The following C9orf57 variants were observed in gnomAD, a reference collection of about 807,000 sequenced individuals.
The protein encoded by C9orf57 is chromosome 9 open reading frame 57.
C9orf57 carries 12 observed loss-of-function variants against 12.9 expected under a neutral mutation model. The observed-to-expected ratio is 0.93, with a 90% CI of 0.60 to 1.51. C9orf57 has a LOEUF of 1.51. Among genes scored for constraint, C9orf57 ranks in the 40% most tolerant of loss-of-function variants. C9orf57 has a pLI of 0.00. For synonymous variants in C9orf57, 49 were observed against 57.1 expected, an observed-to-expected ratio of 0.86 and a Z score of 0.64; for missense variants, 141 against 162.8, an observed-to-expected ratio of 0.87 and a Z score of 0.73.
chr9:72,059,347 G>T lies in C9orf57; in HGVS notation c.-16C>A. ...TCCTTCTCATTCTGATTTCCAAGCC[G>T]AAAAGGAGATGAAAGGAAAGACACG... On this transcript the variant is annotated 5_prime_UTR_variant, in exon 2 of 5. Transcript: ENST00000651200. 6.4e-7 allele frequency: 1 copy of T among 1,551,618 alleles called. No individual in the cohort carries two copies. Among genetic ancestry groups the T allele is most frequent in the Non-Finnish European group, 8.7e-7 (1 of 1,147,008 alleles).
intron 4 of C9orf57, among the ~76,000 whole-genome samples, chr9:72,055,427 T>TCCTTCCTG (rs1222210817): frequency 1.6e-5 from 2 of 125,730 alleles, no homozygotes; most frequent in African/African-American, 6.2e-5. Flanking sequence ...CTTCCTTCCT[T>TCCTTCCTG]CCTTCCTTCC....
At chr9:72,058,540 T>C (rs987296393) in intron 2 of C9orf57, among the ~76,000 whole-genome samples, 2 of 152,202 alleles carry the variant, frequency 1.3e-5, no homozygotes, top group Non-Finnish European at 2.9e-5. Context: ...CAGCTCAGAT[T>C]GTTAAAAGAT....
At chr9:72,052,464 T>C (rs1211383777) in intron 4 of C9orf57, 29 bp from the exon 5 acceptor site, 1 of 1,547,748 alleles carries the variant, frequency 6.5e-7, no homozygotes, top group Admixed American at 2.0e-5. Flanking sequence ...GTAAGGAAAT[T>C]TCTTGGGAGG....
At chr9:72,060,458 A>G in intron 1 of C9orf57, 39 bp downstream of exon 1, 1 of 1,008,598 alleles carries the variant, frequency 9.9e-7, no homozygotes, top group South Asian at 1.4e-5. Context: ...AAATTGTAAG[A>G]TTGGGTAAAG....
intron 4 of C9orf57, among the ~76,000 whole-genome samples, 189 bp downstream of exon 4, chr9:72,055,885 C>T (rs1028404639): frequency 3.3e-5 from 5 of 152,038 alleles, no homozygotes; most frequent in African/African-American, 1.2e-4. Flanking sequence ...CTTAATCGTT[C>T]GTGTCTCAGC....
chr9:72,056,707 G>T, intron 3 of C9orf57, 77 bp downstream of exon 3: 2 of 1,428,954 alleles, frequency 1.4e-6, no homozygotes, highest in African/African-American at 1.4e-5. Flanking sequence ...TGTAGCATCT[G>T]GCATATGAAA....
Position 72,060,517 on chromosome 9 carries a change from C to T in C9orf57, c.-74G>A. The T allele has an allele frequency of 6.6e-7, 1 of 1,524,754 alleles. No homozygotes were observed. Among genetic ancestry groups the T allele is most frequent in the Non-Finnish European group, 8.9e-7 (1 of 1,122,932 alleles). The allele number at this position is 1,524,754 out of a possible 1,614,324, so 94.5% of individuals were successfully genotyped here. A position where few individuals can be genotyped will look rare whatever the true frequency, so the allele number is the denominator to read the frequency against. The stretch of plus-strand genomic sequence containing the variant: ...CCTACCTATCTTTTTCATTAAGGTA[C>T]TATGGAAATTTTCCTGGGTCTGAAC... On this transcript the variant is annotated 5_prime_UTR_variant, in exon 1 of 5. Coordinates refer to ENST00000651200, the MANE Select transcript of C9orf57 (RefSeq NM_001128618.2).
intron 4 of C9orf57, among the ~76,000 whole-genome samples, chr9:72,055,086 C>T (rs529095876): frequency 1.2e-4 from 18 of 148,058 alleles, no homozygotes; most frequent in South Asian, 2.2e-4. Context: ...CCACCATGCG[C>T]GACTAATTTT....
chr9:72,059,337 T>C lies in C9orf57; in HGVS notation c.-6A>G. The C allele has an allele frequency of 1.3e-6, 2 of 1,551,698 alleles. No individual in the cohort carries two copies. Among genetic ancestry groups the C allele is most frequent in the African/African-American group, 1.4e-5 (1 of 73,058 alleles). On this transcript the variant is annotated 5_prime_UTR_variant, in exon 2 of 5. Transcript: ENST00000651200. ...GCAAAAACAATCCTTCTCATTCTGATTTCCAAGCCGAAAAGGAGATGAAAG... is the reference window on the plus strand; with the variant it reads ...GCAAAAACAATCCTTCTCATTCTGACTTCCAAGCCGAAAAGGAGATGAAAG...
In C9orf57 at chr9:72,056,861, A is replaced by G; in HGVS notation, c.98-18T>C. 1.3e-6 allele frequency: 2 copies of G among 1,546,960 alleles called. No individual in the cohort carries two copies. The highest frequency in any genetic ancestry group is 1.7e-6 in the Non-Finnish European group (2 of 1,142,962). ...TCCCAGGTCTAAAAGACATCCATGG[A>G]AGGGGATTGAAAGATTGCATGCTCT... On this transcript the variant is annotated intron_variant, in intron 2 of 4. Transcript: ENST00000651200.
At chr9:72,052,492 C>T (rs892678970) in intron 4 of C9orf57, 57 bp from the exon 5 acceptor site, 1 of 1,499,972 alleles carries the variant, frequency 6.7e-7, no homozygotes, top group Non-Finnish European at 9.0e-7. Flanking sequence ...TATGTGGCCT[C>T]AGATGCTAAT....
Position 72,056,701 on chromosome 9 carries a change from G to T in C9orf57, c.157+83C>A, listed in dbSNP as rs1214035930. On this transcript the variant is annotated intron_variant, in intron 3 of 4. Coordinates refer to ENST00000651200, the MANE Select transcript of C9orf57 (RefSeq NM_001128618.2). ...TAGCCCTGGCAAAGCCCTTAGTGTA[G>T]CATCTGGCATATGAAAGTTTGTTGT... 3.6e-6 allele frequency: 5 copies of T among 1,392,888 alleles called. No individual in the cohort carries two copies. The East Asian group carries it at 1.3e-4, about 35-fold the overall frequency. 86.3% of individuals were successfully genotyped at this position (1,392,888 alleles called of 1,614,324 possible).
chr9:72,055,858 T>C (rs1490454601), intron 4 of C9orf57, among the ~76,000 whole-genome samples: 1 of 152,162 alleles, frequency 6.6e-6, no homozygotes, highest in African/African-American at 2.4e-5. Flanking sequence ...TCATTAGCTA[T>C]GTGACTGTGC....
Position 72,052,932 on chromosome 9 carries a change from C to T in C9orf57, c.281-497G>A, listed in dbSNP as rs547908407. ...CACTGTAGAAAACACAAAAAATGCA[C>T]ACAAGAACAAAATAAGTGACAGTAA... On this transcript the variant is annotated intron_variant, in intron 4 of 4. Coordinates refer to ENST00000651200, the MANE Select transcript of C9orf57 (RefSeq NM_001128618.2). Among the ~76,000 whole-genome samples the T allele has an allele frequency of 2.0e-5, 3 of 152,212 alleles. No homozygotes were observed. In the East Asian group the frequency reaches 5.8e-4, roughly 29 times the overall value.
At chr9:72,052,571 G>T in intron 4 of C9orf57, 136 bp from the exon 5 acceptor site, 1 of 776,674 alleles carries the variant, frequency 1.3e-6, no homozygotes, top group Non-Finnish European at 2.0e-6. Context: ...CCACCATTAA[G>T]AATGGTTCAT....
rs1334672937 is a variant in C9orf57, at chr9:72,056,197, C to A, written c.158-1G>T. 1.3e-6 allele frequency: 2 copies of A among 1,547,580 alleles called. No homozygotes were observed. The highest frequency in any genetic ancestry group is 2.4e-5 in the East Asian group (1 of 40,858). ...GCTCTGCAAATCAAACCTCCAACAT[C>A]TCCAAGTACAGGGGCAGAAAAATGA... On this transcript the variant is annotated splice_acceptor_variant, in intron 3 of 4. Coordinates refer to ENST00000651200, the MANE Select transcript of C9orf57 (RefSeq NM_001128618.2). LOFTEE classifies it high-confidence loss of function.
chr9:72,052,110 G>A lies in C9orf57; in HGVS notation c.*186C>T, dbSNP rs1455864061. 1 of 582,304 alleles carries A rather than the reference G, an allele frequency of 1.7e-6. No individual in the cohort carries two copies. Among genetic ancestry groups the A allele is most frequent in the Non-Finnish European group, 3.0e-6 (1 of 336,734 alleles). The allele number at this position is 582,304 out of a possible 1,614,324, so 36.1% of individuals were successfully genotyped here. ...GAAAGGGCTATTTCTCAGATGAGTTGGAGGTGGTGGGGGAGATATTGGGAA... is the reference window on the plus strand; with the variant it reads ...GAAAGGGCTATTTCTCAGATGAGTTAGAGGTGGTGGGGGAGATATTGGGAA... On this transcript the variant is annotated 3_prime_UTR_variant, in exon 5 of 5. Transcript: ENST00000651200.
chr9:72,052,155 T>A lies in C9orf57; in HGVS notation c.*141A>T. The A allele has an allele frequency of 1.1e-6, 1 of 908,454 alleles. No homozygotes were observed. The highest frequency in any genetic ancestry group is 3.6e-4 in the Middle Eastern group (1 of 2,768). The allele number at this position is 908,454 out of a possible 1,614,324, so 56.3% of individuals were successfully genotyped here. On this transcript the variant is annotated 3_prime_UTR_variant, in exon 5 of 5. Transcript: ENST00000651200. ...TGGGAATATTGAAAACCAAAGTCAA[T>A]TTCAGATCAAAATTCCTTCTACCTA... is the stretch of plus-strand genomic sequence containing the variant.
Position 72,060,563 on chromosome 9 carries a change from G to C in C9orf57, c.-120C>G. On this transcript the variant is annotated 5_prime_UTR_variant, in exon 1 of 5. Coordinates refer to ENST00000651200, the MANE Select transcript of C9orf57 (RefSeq NM_001128618.2). ...TGAACTTTCTTAAAAGGATGAGAAC[G>C]AGTACAATTTGTGATGTGATGAAGT... 1 of 1,545,618 alleles carries C rather than the reference G, an allele frequency of 6.5e-7. No individual in the cohort carries two copies. Among genetic ancestry groups the C allele is most frequent in the Non-Finnish European group, 8.7e-7 (1 of 1,143,422 alleles).
Sources: gnomAD v4.1 joint callset for allele counts (sites outside exome capture counted in the v4.1 genomes callset) on GRCh38, gnomAD v4.1.1 for gene constraint, MANE v1.5 for transcripts, NCBI Gene and HGNC (gene_info 2026-07-23, HGNC 2026-07-21) for gene names.